The following CHST11 variants were observed in gnomAD, a reference collection of about 807,000 sequenced individuals.
CHST11 encodes the protein carbohydrate sulfotransferase 11, also known as C4S-1.
Under a neutral mutation model 30.4 loss-of-function variants are expected in CHST11, and 9 were observed. That is an observed-to-expected ratio of 0.30 (90% CI 0.18 to 0.52). The LOEUF (loss-of-function observed/expected upper bound fraction) is 0.52. Ranked by LOEUF, CHST11 falls within the 20% of genes least tolerant of loss-of-function variation. The pLI is 0.97. For missense variants in CHST11, 348 were observed against 460.6 expected (o/e 0.76, Z 2.24); for synonymous variants, 152 against 187.8 (o/e 0.81, Z 1.56).
intron 2 of CHST11, among the ~76,000 whole-genome samples, chr12:104,636,859 T>C (rs2039327384): frequency 6.6e-6 from 1 of 152,132 alleles, no homozygotes; most frequent in African/African-American, 2.4e-5. Context: ...CCTATTTTTT[T>C]TTTTTAAAAC....
At chr12:104,682,085 G>A (rs957726155) in intron 2 of CHST11, among the ~76,000 whole-genome samples, 4 of 151,960 alleles carry the variant, frequency 2.6e-5, no homozygotes, top group African/African-American at 9.7e-5. Flanking sequence ...CACCTGCCTC[G>A]GCCTCCCAAA....
intron 2 of CHST11, among the ~76,000 whole-genome samples, chr12:104,728,307 G>A (rs1280543727): frequency 6.6e-6 from 1 of 152,160 alleles, no homozygotes; most frequent in Non-Finnish European, 1.5e-5. Flanking sequence ...AAAGCCCGGA[G>A]GAGCATGATG....
intron 1 of CHST11, among the ~76,000 whole-genome samples, chr12:104,542,778 T>G (rs1270800770): frequency 6.6e-6 from 1 of 152,236 alleles, no homozygotes; most frequent in Non-Finnish European, 1.5e-5. Context: ...CTTCGTTACC[T>G]CTTCAAAACA....
At chr12:104,609,694 T>C (rs1462226711) in intron 2 of CHST11, among the ~76,000 whole-genome samples, 1 of 152,174 alleles carries the variant, frequency 6.6e-6, no homozygotes, top group East Asian at 1.9e-4. Flanking sequence ...ATACCAGTCT[T>C]GCAGGTTTGT....
At chr12:104,608,037 A>G (rs1306686929) in intron 2 of CHST11, among the ~76,000 whole-genome samples, 1 of 152,088 alleles carries the variant, frequency 6.6e-6, no homozygotes, top group Non-Finnish European at 1.5e-5. Flanking sequence ...CTTTTGGGAA[A>G]TGACCAGTGC....
At chr12:104,488,972 A>T (rs2037717930) in intron 1 of CHST11, among the ~76,000 whole-genome samples, 1 of 151,442 alleles carries the variant, frequency 6.6e-6, no homozygotes, top group African/African-American at 2.4e-5. Flanking sequence ...ACATCCTCAC[A>T]TGGTCTTTTA....
rs148971798 is a variant in CHST11, at chr12:104,738,491, A to G, written c.205-18458A>G. Among the ~76,000 whole-genome samples, 63 of 152,336 alleles carry G rather than the reference A, an allele frequency of 4.1e-4. No homozygotes were observed. In the East Asian group the frequency reaches 0.011, roughly 27 times the overall value. ...CCTGTGCTTAATAAAAGCAGTGAACATGAACTAAACACACACCCAGGCAAG... is the reference window on the plus strand; with the variant it reads ...CCTGTGCTTAATAAAAGCAGTGAACGTGAACTAAACACACACCCAGGCAAG... On this transcript the variant is annotated intron_variant, in intron 2 of 2. Coordinates refer to ENST00000303694, the MANE Select transcript of CHST11 (RefSeq NM_018413.6).
At chr12:104,515,746 G>C (rs984009623) in intron 1 of CHST11, among the ~76,000 whole-genome samples, 1 of 152,104 alleles carries the variant, frequency 6.6e-6, no homozygotes, top group Non-Finnish European at 1.5e-5. Flanking sequence ...ATTAGGAAAG[G>C]CCATACTGAG....
intron 2 of CHST11, among the ~76,000 whole-genome samples, chr12:104,667,378 A>G (rs143051441): frequency 1.2e-4 from 19 of 152,302 alleles, no homozygotes; most frequent in African/African-American, 4.1e-4. Flanking sequence ...AGGTTGTGCA[A>G]TCTAGCCTTG....
intron 2 of CHST11, among the ~76,000 whole-genome samples, chr12:104,605,982 T>G (rs1002715369): frequency 6.6e-6 from 1 of 152,052 alleles, no homozygotes; most frequent in Non-Finnish European, 1.5e-5. Flanking sequence ...TTCTTTAGCA[T>G]TTACACTTGC....
In CHST11 at chr12:104,760,650, A is replaced by G. The variant is rs2040516839; in HGVS notation, c.*2847A>G. The stretch of plus-strand genomic sequence containing the variant: ...TGCAAGCCTGCTCACTGTCATGTGA[A>G]GATGGCCTTTCATCTGGCTTCTCTC... On this transcript the variant is annotated 3_prime_UTR_variant, in exon 3 of 3. Coordinates refer to ENST00000303694, the MANE Select transcript of CHST11 (RefSeq NM_018413.6). The G allele has an allele frequency of 6.6e-6, 1 of 152,202 alleles. No individual in the cohort carries two copies. Among genetic ancestry groups the G allele is most frequent in the Non-Finnish European group, 1.5e-5 (1 of 68,044 alleles). The allele number at this position is 152,202 out of a possible 1,614,324, so 9.4% of individuals were successfully genotyped here.
At chr12:104,464,319 CG>C (rs1321586683) in intron 1 of CHST11, among the ~76,000 whole-genome samples, 1 of 151,982 alleles carries the variant, frequency 6.6e-6, no homozygotes, top group African/African-American at 2.4e-5. Flanking sequence ...CCACCCTCCT[CG>C]GCCTCCCAAA....
chr12:104,645,038 C>T (rs751929133), intron 2 of CHST11, among the ~76,000 whole-genome samples: 2 of 152,174 alleles, frequency 1.3e-5, no homozygotes, highest in African/African-American at 2.4e-5. Flanking sequence ...AGCTCTTCCT[C>T]CCAGATTCAC....
chr12:104,556,101 C>G (rs544409684), intron 1 of CHST11, among the ~76,000 whole-genome samples: 4 of 152,338 alleles, frequency 2.6e-5, no homozygotes, highest in Non-Finnish European at 4.4e-5. Context: ...AAAGACCCCC[C>G]TCCGCTGGAA....
chr12:104,660,372 G>T (rs371413680), intron 2 of CHST11, among the ~76,000 whole-genome samples: 2 of 152,334 alleles, frequency 1.3e-5, no homozygotes, highest in South Asian at 2.1e-4. Flanking sequence ...CGGGCTTGGC[G>T]CAGGTGGGCC....
At chr12:104,711,508 A>G (rs577509891) in intron 2 of CHST11, among the ~76,000 whole-genome samples, 1 of 152,268 alleles carries the variant, frequency 6.6e-6, no homozygotes, top group South Asian at 2.1e-4. Context: ...TTCCCAATTA[A>G]TCTTGGGAAC....
Position 104,583,998 on chromosome 12 carries a change from C to T in CHST11, c.119-17908C>T, listed in dbSNP as rs933946182. ...AAAGTGCTGGGATTACAGGCGTGAG[C>T]CACCGCACCCCGTCCAAAGATCCCT... On this transcript the variant is annotated intron_variant, in intron 1 of 2. Transcript: ENST00000303694. 2.0e-5 allele frequency among the ~76,000 whole-genome samples: 3 copies of T among 152,200 alleles called. No individual in the cohort carries two copies. The South Asian group carries it at 6.2e-4, about 32-fold the overall frequency.
intron 1 of CHST11, among the ~76,000 whole-genome samples, chr12:104,544,501 G>A (rs1229792181): frequency 6.6e-6 from 1 of 152,006 alleles, no homozygotes; most frequent in Non-Finnish European, 1.5e-5. Context: ...GAGGCCAGGA[G>A]TTCGAGACCA....
chr12:104,608,624 CT>C (rs977793053), intron 2 of CHST11, among the ~76,000 whole-genome samples: 2 of 152,152 alleles, frequency 1.3e-5, no homozygotes, highest in Admixed American at 1.3e-4. Context: ...TTGGTAAACT[CT>C]TTTTACCACC....
Sources: allele counts gnomAD v4.1 joint callset (sites outside exome capture counted in the v4.1 genomes callset), GRCh38; gene constraint gnomAD v4.1.1; transcripts MANE v1.5; gene names NCBI Gene and HGNC (gene_info 2026-07-23, HGNC 2026-07-21).